The following TNFRSF8 variants were observed in gnomAD, a reference collection of about 807,000 sequenced individuals.
TNFRSF8 encodes the protein tumor necrosis factor receptor superfamily member 8.
A neutral mutation model predicts 70.8 loss-of-function variants in TNFRSF8; 26 were observed. The observed-to-expected ratio is 0.37, with a 90% confidence interval of 0.27 to 0.51. TNFRSF8 has a LOEUF of 0.51. Among genes scored for constraint, TNFRSF8 ranks in the 20% least tolerant of loss-of-function variants. The pLI is 0.94. For synonymous variants in TNFRSF8, 356 were observed against 339.2 expected (o/e 1.05, Z -0.54); for missense variants, 720 against 807.9 (o/e 0.89, Z 1.32).
intron 12 of TNFRSF8, among the ~76,000 whole-genome samples, chr1:12,133,824 G>A (rs1000999384): frequency 8.6e-5 from 13 of 151,696 alleles, no homozygotes; most frequent in African/African-American, 2.7e-4. Flanking sequence ...AGGCCGAGGC[G>A]GGCAGATCAC....
intron 3 of TNFRSF8, among the ~76,000 whole-genome samples, chr1:12,100,338 CTG>C (rs1641399939): frequency 6.6e-6 from 1 of 152,130 alleles, no homozygotes; most frequent in African/African-American, 2.4e-5. Flanking sequence ...TTTATCAACA[CTG>C]TACACTTAGG....
intron 3 of TNFRSF8, among the ~76,000 whole-genome samples, chr1:12,100,350 G>T (rs1484967264): frequency 6.6e-6 from 1 of 152,012 alleles, no homozygotes; most frequent in Non-Finnish European, 1.5e-5. Flanking sequence ...GTACACTTAG[G>T]CTATACTAAA....
Position 12,125,937 on chromosome 1 carries a change from T to A in TNFRSF8, c.1154-14T>A. On this transcript the variant is annotated splice_polypyrimidine_tract_variant and intron_variant, in intron 10 of 14. Transcript: ENST00000263932. Reference sequence around the variant, plus strand: ...GCAGCAAGGCAAAGAGTGTGGGGCGTCTCTGTGTTCCAGGGCCAGTGCTCT... The same window carrying A: ...GCAGCAAGGCAAAGAGTGTGGGGCGACTCTGTGTTCCAGGGCCAGTGCTCT... 6.2e-7 allele frequency: 1 copy of A among 1,611,088 alleles called. No homozygotes were observed.
chr1:12,116,606 G>C (rs1009179417), intron 8 of TNFRSF8, among the ~76,000 whole-genome samples: 1 of 151,984 alleles, frequency 6.6e-6, no homozygotes, highest in African/African-American at 2.4e-5. Context: ...TTCAAGACCA[G>C]CCTGACCAAC....
At position 12,109,640 on chromosome 1, in the gene TNFRSF8, T is replaced by C. The variant is rs367850226; in HGVS notation, c.496T>C (p.Cys166Arg). ...CCCTGCCTGTGCCAGCCCAGAGAAC[T>C]GCAAGGAACCCTCCAGGTGACTCCC... ...VSPACASPEN[C>R]KEPSSGTIPQ... The change falls in exon 5 of 15, where the codon TGC becomes CGC. Residue 166 changes from cysteine (C) to arginine (R), a missense_variant. Cys to Arg is a radical substitution (Grantham distance 180, BLOSUM62 -3). Transcript: ENST00000263932. The surrounding 1 kb of genome is among the most constrained non-coding windows in gnomAD (Gnocchi z 4.4). 20 of 1,613,564 alleles carry C rather than the reference T, an allele frequency of 1.2e-5. No individual in the cohort carries two copies. Among genetic ancestry groups the C allele is most frequent in the Non-Finnish European group, 1.7e-5 (20 of 1,179,892 alleles).
intron 1 of TNFRSF8, among the ~76,000 whole-genome samples, chr1:12,084,162 A>C (rs1201114): frequency 1.3e-5 from 2 of 151,968 alleles, no homozygotes; most frequent in Non-Finnish European, 1.5e-5. Context: ...ATCCCAGGGC[A>C]AGGGGATGGT....
At chr1:12,123,189 C>T in intron 8 of TNFRSF8, 95 bp from the exon 9 acceptor site, 1 of 1,071,144 alleles carries the variant, frequency 9.3e-7, no homozygotes, top group Middle Eastern at 2.1e-4. Context: ...CACGGTGTTG[C>T]CTCGCTGGAA....
rs537216293 is a variant in TNFRSF8, at chr1:12,063,804, C to G, written c.63+143C>G. The G allele has an allele frequency of 5.4e-5, 42 of 772,480 alleles. No individual in the cohort carries two copies. The highest frequency in any genetic ancestry group is 2.6e-4 in the South Asian group (4 of 15,538). The allele number at this position is 772,480 out of a possible 1,614,324, so 47.9% of individuals were successfully genotyped here. The stretch of plus-strand genomic sequence containing the variant: ...GGGGCGCGGGTGACAAGCAGGAACA[C>G]CGGAATATGCTAGCACCCACAGGTG... On this transcript the variant is annotated intron_variant, in intron 1 of 14. Transcript: ENST00000263932. The surrounding 1 kb of genome is among the most constrained non-coding windows in gnomAD (Gnocchi z 7.2).
intron 3 of TNFRSF8, among the ~76,000 whole-genome samples, chr1:12,101,427 A>C (rs1483728429): frequency 4.2e-5 from 3 of 72,156 alleles, no homozygotes; most frequent in Non-Finnish European, 7.2e-5. Context: ...ACCCTGTTTC[A>C]AAAAAAAAAA....
chr1:12,091,372 T>A (rs1395448649), intron 2 of TNFRSF8, among the ~76,000 whole-genome samples: 1 of 152,180 alleles, frequency 6.6e-6, no homozygotes, highest in Non-Finnish European at 1.5e-5. Flanking sequence ...TCTGGGGGCC[T>A]CTGGGAGCCA....
At chr1:12,070,488 C>T (rs1023542924) in intron 1 of TNFRSF8, among the ~76,000 whole-genome samples, 14 of 152,132 alleles carry the variant, frequency 9.2e-5, no homozygotes, top group Middle Eastern at 3.2e-3. Context: ...CTCCTGACCT[C>T]GTGATCTGCC....
intron 2 of TNFRSF8, among the ~76,000 whole-genome samples, chr1:12,090,066 T>C (rs1410358606): frequency 0.015 from 1,086 of 73,482 alleles, no homozygotes; most frequent in Middle Eastern, 0.07. Flanking sequence ...TACCCATCCA[T>C]CCATCTACCC....
rs903785662 is a variant in TNFRSF8, at chr1:12,088,611, C to T, written c.151+4060C>T. 3.3e-5 allele frequency among the ~76,000 whole-genome samples: 5 copies of T among 152,220 alleles called. No individual in the cohort carries two copies. The highest frequency in any genetic ancestry group is 7.3e-5 in the Non-Finnish European group (5 of 68,040). ...CCCTCTCTTTGTGTGCAGACTCGCT[C>T]CCCACAGGAAGGGGTCTCTCCTGCA... is the stretch of plus-strand genomic sequence containing the variant. On this transcript the variant is annotated intron_variant, in intron 2 of 14. Transcript: ENST00000263932. This position sits in a 1 kb window ranked among gnomAD's most constrained non-coding sequence, Gnocchi z 4.0.
chr1:12,080,602 G>C (rs1641047818), intron 1 of TNFRSF8: 1 of 324,096 alleles, frequency 3.1e-6, no homozygotes, highest in African/African-American at 2.2e-5. Context: ...TTGTTGCCTA[G>C]GCTGGAGTGC....
intron 1 of TNFRSF8, among the ~76,000 whole-genome samples, chr1:12,070,172 G>A (rs1402487936): frequency 3.3e-5 from 5 of 152,064 alleles, no homozygotes; most frequent in African/African-American, 7.2e-5. Flanking sequence ...GGGGGGAGCA[G>A]GCAGGATGGG....
At chr1:12,129,080 G>A (rs1641998471) in intron 12 of TNFRSF8, among the ~76,000 whole-genome samples, 1 of 151,990 alleles carries the variant, frequency 6.6e-6, no homozygotes, top group Non-Finnish European at 1.5e-5. Context: ...TGATCCGCCT[G>A]CCTCGGCCTC....
chr1:12,070,308 T>C (rs751242650), intron 1 of TNFRSF8, among the ~76,000 whole-genome samples: 5 of 152,114 alleles, frequency 3.3e-5, no homozygotes, highest in Non-Finnish European at 7.4e-5. Flanking sequence ...TGGAGTGCAG[T>C]GGTGTGATCT....
intron 1 of TNFRSF8, among the ~76,000 whole-genome samples, chr1:12,069,239 C>T (rs1239837134): frequency 1.7e-5 from 2 of 115,040 alleles, no homozygotes; most frequent in South Asian, 3.1e-4. Context: ...AGTGCAATGG[C>T]GCTGTCTCAG....
Position 12,109,916 on chromosome 1 carries a change from G to A in TNFRSF8, c.513-125G>A. 2 of 1,233,420 alleles carry A rather than the reference G, an allele frequency of 1.6e-6. No homozygotes were observed. Among genetic ancestry groups the A allele is most frequent in the Admixed American group, 2.3e-5 (1 of 44,052 alleles). The allele number at this position is 1,233,420 out of a possible 1,614,324, so 76.4% of individuals were successfully genotyped here. On this transcript the variant is annotated intron_variant, in intron 5 of 14. Coordinates refer to ENST00000263932, the MANE Select transcript of TNFRSF8 (RefSeq NM_001243.5). This position sits in a 1 kb window ranked among gnomAD's most constrained non-coding sequence, Gnocchi z 4.4. ...GCCTTGCTCCCAGGAGCTTACAGTG[G>A]GCCCGCCAGAGGCAGTGGGCCAAGG... is the stretch of plus-strand genomic sequence containing the variant.
Sources: gnomAD v4.1 joint callset for allele counts (sites outside exome capture counted in the v4.1 genomes callset) on GRCh38, gnomAD v4.1.1 for gene constraint, Gnocchi (gnomAD v3.1) non-coding constraint, MANE v1.5 for transcripts, NCBI Gene and HGNC (gene_info 2026-07-23, HGNC 2026-07-21) for gene names.